ANKFN1: variants seen among roughly 807,000 people sequenced by gnomAD.
The protein encoded by ANKFN1 is ankyrin repeat and fibronectin type III domain containing 1.
In ANKFN1, 74 loss-of-function variants were observed where a neutral mutation model predicts 108.7. That is an observed-to-expected ratio of 0.68 (90% confidence interval 0.56 to 0.83). ANKFN1 has a LOEUF of 0.83. Ranked by LOEUF, ANKFN1 falls within the 40% of genes least tolerant of loss-of-function variation. ANKFN1 has a pLI of 0.00. For synonymous variants in ANKFN1, 547 were observed against 516.2 expected, an observed-to-expected ratio of 1.06 and a Z score of -0.81; for missense variants, 1,505 against 1,382.3, an observed-to-expected ratio of 1.09 and a Z score of -1.41.
intron 8 of ANKFN1, among the ~76,000 whole-genome samples, chr17:56,384,428 A>T (rs2047199941): frequency 6.6e-6 from 1 of 152,212 alleles, no homozygotes; most frequent in African/African-American, 2.4e-5. Context: ...CAAGACAGGG[A>T]TGCCCTCTCA....
At chr17:56,085,137 A>G (rs1905292577) in intron 4 of ANKFN1, among the ~76,000 whole-genome samples, 1 of 148,582 alleles carries the variant, frequency 6.7e-6, no homozygotes, top group African/African-American at 2.5e-5. Flanking sequence ...CTAATGTTAA[A>G]TATTTCATAG....
intron 4 of ANKFN1, among the ~76,000 whole-genome samples, chr17:56,081,197 T>C (rs1474833785): frequency 6.6e-6 from 1 of 151,968 alleles, no homozygotes; most frequent in African/African-American, 2.4e-5. Context: ...CCAAGGCAAG[T>C]TTTAGAACAG....
chr17:56,316,235 A>G (rs1236216079), intron 3 of ANKFN1, among the ~76,000 whole-genome samples: 1 of 152,160 alleles, frequency 6.6e-6, no homozygotes, highest in Non-Finnish European at 1.5e-5. Context: ...TTGAATGTGC[A>G]AATAGAATTA....
At chr17:56,178,167 A>T (rs147309420) in intron 1 of ANKFN1, among the ~76,000 whole-genome samples, 280 of 152,294 alleles carry the variant, frequency 1.8e-3, no homozygotes, top group Non-Finnish European at 3.3e-3. Context: ...AGAGGTGCAG[A>T]CTTAGGTGAA....
intron 1 of ANKFN1, among the ~76,000 whole-genome samples, chr17:56,198,093 T>C (rs1913683255): frequency 6.6e-6 from 1 of 152,204 alleles, no homozygotes; most frequent in South Asian, 2.1e-4. Flanking sequence ...TGCCTGATGA[T>C]CTGAGGTGAA....
chr17:56,477,884 A>G (rs1420523910), intron 16 of ANKFN1, among the ~76,000 whole-genome samples: 4 of 152,032 alleles, frequency 2.6e-5, no homozygotes, highest in Non-Finnish European at 5.9e-5. Context: ...CTGGAGTACA[A>G]TGGCGCAATA....
At chr17:56,051,953 A>G (rs922555665) in intron 4 of ANKFN1, among the ~76,000 whole-genome samples, 19 of 148,256 alleles carry the variant, frequency 1.3e-4, no homozygotes, top group African/African-American at 4.7e-4. Flanking sequence ...TTCCATGCTC[A>G]TGGGTAGGAA....
chr17:56,286,726 T>A (rs1246995641), intron 3 of ANKFN1, among the ~76,000 whole-genome samples: 1 of 152,150 alleles, frequency 6.6e-6, no homozygotes, highest in African/African-American at 2.4e-5. Flanking sequence ...ATCAAGGAAG[T>A]TGCAACCCAC....
At position 56,280,008 on chromosome 17, in the gene ANKFN1, C is replaced by CTTTTTTTTTTTTTTTTTTTTTTTTTTTTT. The variant is rs3086033; in HGVS notation, c.54-46197_54-46196insTTTTTTTTTTTTTTTTTTTTTTTTTTTTT. ...TTTCAGGTTGGGAGCCACATAATGT[C>CTTTTTTTTTTTTTTTTTTTTTTTTTTTTT]TTTTTTTTTTTTTTTTCTCAAGACG... On this transcript the variant is annotated intron_variant, in intron 3 of 20. Coordinates refer to ENST00000682825, the MANE Select transcript of ANKFN1 (RefSeq NM_001370326.1). Among the ~76,000 whole-genome samples the CTTTTTTTTTTTTTTTTTTTTTTTTTTTTT allele has an allele frequency of 1.5e-5, 2 of 134,858 alleles. 1 individual carries two copies. The highest frequency in any genetic ancestry group is 5.9e-5 in the African/African-American group (2 of 34,032). 88.5% of individuals were successfully genotyped at this position (134,858 alleles called of 152,430 possible).
intron 1 of ANKFN1, among the ~76,000 whole-genome samples, chr17:56,158,412 C>T (rs559506120): frequency 5.5e-4 from 83 of 152,284 alleles, no homozygotes; most frequent in African/African-American, 1.9e-3. Flanking sequence ...CATCCTGGTG[C>T]TTAGATGAGG....
rs1555660587 is a variant in ANKFN1 at position 56,467,791 on chromosome 17, G to GAGAAA, written c.1773+1221_1773+1222insGAAAA. Among the ~76,000 whole-genome samples the GAGAAA allele has an allele frequency of 1.0e-3, 57 of 55,052 alleles. 3 individuals carry two copies. The highest frequency in any genetic ancestry group is 2.6e-3 in the African/African-American group (48 of 18,692). 36.1% of individuals were successfully genotyped at this position (55,052 alleles called of 152,430 possible). A position where few individuals can be genotyped will look rare whatever the true frequency, so the allele number is the denominator to read the frequency against. On this transcript the variant is annotated intron_variant, in intron 15 of 20. Coordinates refer to ENST00000682825, the MANE Select transcript of ANKFN1 (RefSeq NM_001370326.1). ...AGAAAGAAAGAAAGAAAGAAAGAAA[G>GAGAAA]AAGAAAGAAAGAAAGAAAGAAAGAA...
At chr17:56,322,470 C>T (rs1396868457) in intron 3 of ANKFN1, among the ~76,000 whole-genome samples, 2 of 152,328 alleles carry the variant, frequency 1.3e-5, no homozygotes, top group African/African-American at 2.4e-5. Context: ...GCTCAGCTCA[C>T]TGTCACCTAT....
chr17:56,064,105 ATGGG>A (rs1171558995), intron 4 of ANKFN1, among the ~76,000 whole-genome samples: 1 of 152,146 alleles, frequency 6.6e-6, no homozygotes, highest in Non-Finnish European at 1.5e-5. Flanking sequence ...AACAGCAAAG[ATGGG>A]TGCGTACTCC....
At chr17:56,249,897 G>C (rs191989731) in intron 3 of ANKFN1, among the ~76,000 whole-genome samples, 1 of 152,322 alleles carries the variant, frequency 6.6e-6, no homozygotes, top group East Asian at 1.9e-4. Flanking sequence ...CACTGGGGCA[G>C]TTTCCAGGGC....
At chr17:56,221,016 T>A (rs1050890420) in intron 2 of ANKFN1, among the ~76,000 whole-genome samples, 4 of 152,118 alleles carry the variant, frequency 2.6e-5, no homozygotes, top group Non-Finnish European at 2.9e-5. Flanking sequence ...CTGCACAGGA[T>A]CATGATGTTG....
chr17:56,116,674 G>A (rs79351913), intron 4 of ANKFN1, among the ~76,000 whole-genome samples: 1,574 of 152,168 alleles, frequency 0.01, 27 homozygotes, highest in African/African-American at 0.035. Context: ...AGCTGTTGGC[G>A]CCATGCTTCT....
intron 3 of ANKFN1, among the ~76,000 whole-genome samples, chr17:56,275,080 C>T (rs987606083): frequency 5.9e-5 from 9 of 152,170 alleles, no homozygotes; most frequent in African/African-American, 1.4e-4. Flanking sequence ...ACCCAACGCC[C>T]CACCACAGGC....
chr17:56,366,622 T>C (rs2046670288), intron 6 of ANKFN1, among the ~76,000 whole-genome samples: 1 of 152,216 alleles, frequency 6.6e-6, no homozygotes, highest in Non-Finnish European at 1.5e-5. Context: ...GTGTACTTTT[T>C]TCCATGTTGT....
intron 4 of ANKFN1, among the ~76,000 whole-genome samples, chr17:56,349,878 T>C (rs888310326): frequency 2.0e-5 from 3 of 152,192 alleles, no homozygotes; most frequent in Non-Finnish European, 2.9e-5. Context: ...AGGGAGACAC[T>C]TTGCACATAA....
Sources: gnomAD v4.1 joint callset for allele counts (sites outside exome capture counted in the v4.1 genomes callset) on GRCh38, gnomAD v4.1.1 for gene constraint, MANE v1.5 for transcripts, NCBI Gene and HGNC (gene_info 2026-07-23, HGNC 2026-07-21) for gene names.